Variants in H3-3A observed in about 807,000 individuals in gnomAD.
H3-3A encodes histone H3.3.
For synonymous variants in H3-3A, 49 were observed against 61.4 expected (o/e 0.80, Z 0.95); for missense variants, 7 against 184.0 (o/e 0.04, Z 5.57).
chr1:226,062,504 G>C (rs992484032), upstream of H3-3A, among the ~76,000 whole-genome samples: 187 of 150,182 alleles, frequency 1.2e-3, 3 homozygotes, highest in African/African-American at 4.4e-3. Flanking sequence ...GTACACACAC[G>C]GCGCGAGGCG....
chr1:226,065,411 T>C (rs72757053), intron 2 of H3-3A, among the ~76,000 whole-genome samples: 82 of 152,312 alleles, frequency 5.4e-4, no homozygotes, highest in Non-Finnish European at 1.1e-3. Flanking sequence ...AAAATGAAAA[T>C]AAATAGGGCT....
At chr1:226,070,303 A>G (rs1377787347) in intron 3 of H3-3A, among the ~76,000 whole-genome samples, 1 of 151,502 alleles carries the variant, frequency 6.6e-6, no homozygotes, top group African/African-American at 2.4e-5. Flanking sequence ...AACACAATGA[A>G]GCCCCATCTC....
intron 3 of H3-3A, among the ~76,000 whole-genome samples, chr1:226,069,586 C>CT (rs1658036722): frequency 1.3e-5 from 2 of 152,256 alleles, no homozygotes; most frequent in South Asian, 4.1e-4. Context: ...AATCCCAGCA[C>CT]TTTGGGAGGC....
At chr1:226,067,743 CAA>C (rs4012724) in intron 3 of H3-3A, among the ~76,000 whole-genome samples, 43,680 of 146,118 alleles carry the variant, frequency 0.3, 6,823 homozygotes, top group African/African-American at 0.42. Flanking sequence ...ACTCTTGTCT[CAA>C]AAAAAAAAAA....
At chr1:226,066,599 T>G (rs1435785313) in intron 3 of H3-3A, 2 of 152,182 alleles carry the variant, frequency 1.3e-5, no homozygotes, top group Non-Finnish European at 2.9e-5. Context: ...CATCAGTCAC[T>G]TAAGTAACCT....
At chr1:226,066,414 G>A (rs41268723) in intron 3 of H3-3A, 1 of 152,452 alleles carries the variant, frequency 6.6e-6, no homozygotes, top group Non-Finnish European at 1.5e-5. Flanking sequence ...AGGGGATTAG[G>A]GATTGCCACT....
chr1:226,070,511 C>T (rs1039541238), intron 3 of H3-3A, among the ~76,000 whole-genome samples: 1 of 151,784 alleles, frequency 6.6e-6, no homozygotes, highest in Admixed American at 6.6e-5. Context: ...CGGTGGCTCA[C>T]GCCTATAATC....
At chr1:226,070,128 G>A (rs1053117503) in intron 3 of H3-3A, among the ~76,000 whole-genome samples, 2 of 152,182 alleles carry the variant, frequency 1.3e-5, no homozygotes, top group African/African-American at 2.4e-5. Context: ...GGTACGTAGA[G>A]GAAGGTACTT....
In H3-3A at chr1:226,071,588, A is replaced by G; in HGVS notation, c.*109A>G. 1.8e-6 allele frequency: 1 copy of G among 548,070 alleles called. No homozygotes were observed. The highest frequency in any genetic ancestry group is 2.9e-5 in the East Asian group (1 of 34,438). 34.0% of individuals were successfully genotyped at this position (548,070 alleles called of 1,614,324 possible). On this transcript the variant is annotated 3_prime_UTR_variant, in exon 4 of 4. Coordinates refer to ENST00000366815, the MANE Select transcript of H3-3A (RefSeq NM_002107.7). ...TTAGATATTTTTTTTCCATGGGGTC[A>G]AAAGGTACCTAAGTATATGATTGCG...
intron 3 of H3-3A, among the ~76,000 whole-genome samples, chr1:226,070,623 A>G (rs973990511): frequency 2.6e-5 from 4 of 151,844 alleles, no homozygotes; most frequent in African/African-American, 7.3e-5. Flanking sequence ...AATACAAAAA[A>G]GTAGCCAGGC....
chr1:226,068,090 C>A (rs1293547221), intron 3 of H3-3A, among the ~76,000 whole-genome samples: 1 of 152,040 alleles, frequency 6.6e-6, no homozygotes, highest in Non-Finnish European at 1.5e-5. Flanking sequence ...TCTTGTAGTT[C>A]TTTTTTTTCT....
At chr1:226,068,083 T>C (rs1368992646) in intron 3 of H3-3A, among the ~76,000 whole-genome samples, 1 of 152,252 alleles carries the variant, frequency 6.6e-6, no homozygotes, top group Non-Finnish European at 1.5e-5. Context: ...AATACTTTCT[T>C]GTAGTTCTTT....
intron 1 of H3-3A, 102 bp from the exon 2 acceptor site, chr1:226,064,227 A>G (rs1181635491): frequency 5.2e-6 from 4 of 770,886 alleles, no homozygotes; most frequent in Non-Finnish European, 8.5e-6. Context: ...TATTTTTTAT[A>G]CTGATCATAA....
chr1:226,063,300 A>G (rs1440157575), intron 1 of H3-3A, among the ~76,000 whole-genome samples: 2 of 152,050 alleles, frequency 1.3e-5, no homozygotes, highest in Non-Finnish European at 2.9e-5. Flanking sequence ...TTCTCTGGTC[A>G]CCGACCATAT....
chr1:226,065,603 C>T, intron 2 of H3-3A, 53 bp from the exon 3 acceptor site: 1 of 1,361,986 alleles, frequency 7.3e-7, no homozygotes, highest in African/African-American at 1.4e-5. Flanking sequence ...GCCCACTTAC[C>T]TTTTTGTGCT....
At chr1:226,068,252 A>G (rs1223421369) in intron 3 of H3-3A, among the ~76,000 whole-genome samples, 2 of 152,182 alleles carry the variant, frequency 1.3e-5, no homozygotes, top group African/African-American at 2.4e-5. Flanking sequence ...GTAGGAGTTC[A>G]GTCTCCTCTC....
intron 2 of H3-3A, 144 bp downstream of exon 2, chr1:226,064,623 ATGTAC>A (rs1464046802): frequency 3.3e-6 from 2 of 613,290 alleles, no homozygotes; most frequent in African/African-American, 1.9e-5. Context: ...GCTTAAATAA[ATGTAC>A]TGTATGATCA....
chr1:226,064,990 G>A (rs1410662687), intron 2 of H3-3A, among the ~76,000 whole-genome samples: 2 of 152,176 alleles, frequency 1.3e-5, no homozygotes, highest in Non-Finnish European at 2.9e-5. Flanking sequence ...TGCCATTAGA[G>A]GGCAGAAGTT....
intron 3 of H3-3A, among the ~76,000 whole-genome samples, chr1:226,070,502 G>A (rs200260430): frequency 2.0e-5 from 3 of 151,342 alleles, no homozygotes; most frequent in East Asian, 1.9e-4. Flanking sequence ...TGCCGGGCGC[G>A]GTGGCTCACG....
Sources: gnomAD v4.1 joint callset for allele counts (sites outside exome capture counted in the v4.1 genomes callset) on GRCh38, gnomAD v4.1.1 for gene constraint, MANE v1.5 for transcripts, NCBI Gene and HGNC (gene_info 2026-07-23, HGNC 2026-07-21) for gene names.